The following DPYD variants were observed in gnomAD, a reference collection of about 807,000 sequenced individuals.
The protein encoded by DPYD is dihydropyrimidine dehydrogenase [NADP(+)].
In DPYD, 109 loss-of-function variants were observed where a neutral mutation model predicts 116.2. The observed-to-expected ratio is 0.94, with a 90% CI of 0.80 to 1.10. The LOEUF (loss-of-function observed/expected upper bound fraction) is 1.10, where lower values mean the gene tolerates loss of function less well. Ranked by LOEUF, DPYD falls within the 50% of genes least tolerant of loss-of-function variation. The pLI is 0.00. For missense variants in DPYD, 1,302 were observed against 1,254.5 expected, an observed-to-expected ratio of 1.04 and a Z score of -0.57; for synonymous variants, 440 against 432.0, an observed-to-expected ratio of 1.02 and a Z score of -0.23.
intron 11 of DPYD, among the ~76,000 whole-genome samples, chr1:97,565,877 A>G (rs1652482470): frequency 6.6e-6 from 1 of 152,242 alleles, no homozygotes; most frequent in Non-Finnish European, 1.5e-5. Context: ...ATTTAGAAAT[A>G]CAAATGAAAA....
chr1:97,176,085 T>C (rs762126458), intron 20 of DPYD, among the ~76,000 whole-genome samples: 5 of 152,202 alleles, frequency 3.3e-5, no homozygotes, highest in Admixed American at 6.5e-5. Flanking sequence ...TCTTGAGTAG[T>C]GTCAATCTCA....
At chr1:97,632,364 T>A (rs1657316008) in intron 8 of DPYD, among the ~76,000 whole-genome samples, 1 of 152,112 alleles carries the variant, frequency 6.6e-6, no homozygotes, top group African/African-American at 2.4e-5. Flanking sequence ...CTATCTACCA[T>A]CCCCAGTATT....
At chr1:97,713,491 C>T (rs1662411703) in intron 5 of DPYD, among the ~76,000 whole-genome samples, 1 of 151,894 alleles carries the variant, frequency 6.6e-6, no homozygotes, top group African/African-American at 2.4e-5. Context: ...TCATCTGGCC[C>T]CACAGTTCTA....
intron 8 of DPYD, among the ~76,000 whole-genome samples, chr1:97,636,996 A>C (rs2100807800): frequency 6.6e-6 from 1 of 152,262 alleles, no homozygotes; most frequent in Middle Eastern, 3.4e-3. Flanking sequence ...TAAGAAATTA[A>C]ATTGAAGGTA....
intron 18 of DPYD, among the ~76,000 whole-genome samples, chr1:97,264,327 T>C (rs140093525): frequency 1.3e-5 from 2 of 151,778 alleles, no homozygotes; most frequent in South Asian, 2.1e-4. Flanking sequence ...CATGCCTGGC[T>C]AGTATTTTTT....
At chr1:97,629,462 T>C (rs1318233630) in intron 8 of DPYD, among the ~76,000 whole-genome samples, 1 of 152,078 alleles carries the variant, frequency 6.6e-6, no homozygotes, top group East Asian at 1.9e-4. Flanking sequence ...GGGGGCATCA[T>C]TCATCGTTTG....
At position 97,573,731 on chromosome 1, in the gene DPYD, A is replaced by G. The variant is rs200644426; in HGVS notation, c.1339+29T>C. ...CAGCACTAAAATAACAGACAATTGC[A>G]TCACACATTTCAGCTCCCAGCACTG... On this transcript the variant is annotated intron_variant, in intron 11 of 22. Coordinates refer to ENST00000370192, the MANE Select transcript of DPYD (RefSeq NM_000110.4). The G allele has an allele frequency of 3.2e-5, 51 of 1,612,874 alleles. 1 individual carries two copies. Among genetic ancestry groups the G allele is most frequent in the Non-Finnish European group, 4.2e-5 (49 of 1,179,162 alleles).
intron 20 of DPYD, among the ~76,000 whole-genome samples, chr1:97,129,683 G>A (rs535961831): frequency 6.6e-6 from 1 of 152,052 alleles, no homozygotes; most frequent in South Asian, 2.1e-4. Context: ...TTAATGCTAG[G>A]CTTCCTCACT....
intron 21 of DPYD, among the ~76,000 whole-genome samples, chr1:97,093,845 T>G (rs971372474): frequency 1.3e-5 from 2 of 152,122 alleles, no homozygotes; most frequent in African/African-American, 4.8e-5. Context: ...TTCAGCTTCA[T>G]GACACGTCTC....
At chr1:97,094,668 C>A (rs1205689927) in intron 21 of DPYD, among the ~76,000 whole-genome samples, 1 of 151,922 alleles carries the variant, frequency 6.6e-6, no homozygotes, top group Non-Finnish European at 1.5e-5. Flanking sequence ...TCAGACGATG[C>A]AGGTGGAGGT....
intron 12 of DPYD, among the ~76,000 whole-genome samples, chr1:97,547,798 A>T (rs1000892384): frequency 6.6e-6 from 1 of 152,096 alleles, no homozygotes; most frequent in Non-Finnish European, 1.5e-5. Context: ...CTCCCACCTC[A>T]GTCTCCCAAT....
At chr1:97,774,803 GA>G (rs1557951202) in intron 3 of DPYD, 2 of 170,386 alleles carry the variant, frequency 1.2e-5, no homozygotes, top group African/African-American at 2.4e-5. Flanking sequence ...AAAGAACTAG[GA>G]AAAAAAATTC....
At chr1:97,331,527 G>T (rs563101986) in intron 16 of DPYD, among the ~76,000 whole-genome samples, 49 of 152,186 alleles carry the variant, frequency 3.2e-4, no homozygotes, top group African/African-American at 1.1e-3. Context: ...TATTTTATAC[G>T]AGTCCATTCA....
intron 10 of DPYD, among the ~76,000 whole-genome samples, chr1:97,575,340 C>T (rs1251918823): frequency 6.6e-6 from 1 of 151,924 alleles, no homozygotes; most frequent in East Asian, 1.9e-4. Context: ...TGGTCTTGTC[C>T]CTTCAAGAAG....
chr1:97,289,912 A>G (rs1379368644), intron 18 of DPYD, among the ~76,000 whole-genome samples: 1 of 151,994 alleles, frequency 6.6e-6, no homozygotes, highest in African/African-American at 2.4e-5. Flanking sequence ...CTGTTTGCAG[A>G]TGACATGACT....
At chr1:97,132,397 C>T (rs902759401) in intron 20 of DPYD, among the ~76,000 whole-genome samples, 4 of 152,052 alleles carry the variant, frequency 2.6e-5, no homozygotes, top group Non-Finnish European at 4.4e-5. Flanking sequence ...AACATAGCTA[C>T]GGTACAGTGT....
At chr1:97,449,628 T>C (rs913397627) in intron 14 of DPYD, among the ~76,000 whole-genome samples, 1 of 152,210 alleles carries the variant, frequency 6.6e-6, no homozygotes, top group African/African-American at 2.4e-5. Flanking sequence ...TTAAAATTAT[T>C]TAATAAATTA....
At chr1:97,696,860 C>T (rs1661335806) in intron 6 of DPYD, among the ~76,000 whole-genome samples, 1 of 152,042 alleles carries the variant, frequency 6.6e-6, no homozygotes, top group Non-Finnish European at 1.5e-5. Flanking sequence ...ATTGCTATAA[C>T]TAGTTCACCT....
intron 20 of DPYD, among the ~76,000 whole-genome samples, chr1:97,171,533 C>T (rs145862056): frequency 7.8e-4 from 118 of 152,248 alleles, no homozygotes; most frequent in African/African-American, 2.7e-3. Context: ...AGCACACAGA[C>T]CAGGACCAGA....
Sources: allele counts gnomAD v4.1 joint callset (sites outside exome capture counted in the v4.1 genomes callset), GRCh38; gene constraint gnomAD v4.1.1; transcripts MANE v1.5; gene names NCBI Gene and HGNC (gene_info 2026-07-23, HGNC 2026-07-21).